The following NYAP2 variants were observed in gnomAD, a reference collection of about 807,000 sequenced individuals.
The protein encoded by NYAP2 is neuronal tyrosine-phosphorylated phosphoinositide-3-kinase adapter 2.
NYAP2 carries 23 observed loss-of-function variants against 50.4 expected under a neutral mutation model. The observed-to-expected ratio is 0.46, with a 90% CI of 0.33 to 0.65. The LOEUF is 0.65. NYAP2 is among the 30% of genes least tolerant of loss of function. The pLI, the probability that NYAP2 is intolerant of heterozygous loss-of-function variation, is 0.02. For synonymous variants in NYAP2, 394 were observed against 365.2 expected (o/e 1.08, Z -0.90); for missense variants, 885 against 861.0 (o/e 1.03, Z -0.35).
intron 5 of NYAP2, among the ~76,000 whole-genome samples, chr2:225,604,372 A>T (rs1692749317): frequency 6.6e-6 from 1 of 152,152 alleles, no homozygotes. Context: ...TCCTTAAATC[A>T]TGCGTTACAG....
chr2:225,631,649 G>T (rs1693317367), intron 6 of NYAP2, among the ~76,000 whole-genome samples: 1 of 152,024 alleles, frequency 6.6e-6, no homozygotes, highest in Non-Finnish European at 1.5e-5. Flanking sequence ...CTACTTTTCA[G>T]GAAAGAAAAG....
At chr2:225,682,483 T>G in the NYAP2 span, among the ~76,000 whole-genome samples, 1 of 152,338 alleles carries the variant, frequency 6.6e-6, no homozygotes, top group South Asian at 2.1e-4. Context: ...CATAGCCTCC[T>G]GCTTCTCCAT....
At chr2:225,601,481 C>A (rs1692690085) in intron 5 of NYAP2, among the ~76,000 whole-genome samples, 1 of 152,138 alleles carries the variant, frequency 6.6e-6, no homozygotes, top group Non-Finnish European at 1.5e-5. Context: ...TTTTCCATAG[C>A]AGCTGTTTAT....
chr2:225,548,118 A>G (rs1691615583), intron 4 of NYAP2, among the ~76,000 whole-genome samples: 2 of 151,964 alleles, frequency 1.3e-5, no homozygotes, highest in African/African-American at 4.8e-5. Context: ...TAAACATGTT[A>G]CTAGTAATTA....
chr2:225,664,591 G>A, the NYAP2 span, among the ~76,000 whole-genome samples: 2 of 152,092 alleles, frequency 1.3e-5, no homozygotes, highest in East Asian at 1.9e-4. Flanking sequence ...AAATGCGGCC[G>A]GGCACGGTGG....
At chr2:225,684,563 T>G in the NYAP2 span, among the ~76,000 whole-genome samples, 3 of 150,754 alleles carry the variant, frequency 2.0e-5, no homozygotes, top group African/African-American at 7.4e-5. Context: ...GTTTTTTTGT[T>G]TTTTTTTTGA....
At chr2:225,689,034 G>A in the NYAP2 span, among the ~76,000 whole-genome samples, 7 of 152,082 alleles carry the variant, frequency 4.6e-5, no homozygotes, top group South Asian at 2.1e-4. Flanking sequence ...GAGCCACTGC[G>A]CCCAGCTTGA....
At chr2:225,680,044 G>A in the NYAP2 span, among the ~76,000 whole-genome samples, 111 of 152,098 alleles carry the variant, frequency 7.3e-4, no homozygotes, top group Admixed American at 4.6e-3. Context: ...AGATAGCACC[G>A]GGTTTAACAT....
At chr2:225,597,525 A>ATG (rs1326408973) in intron 5 of NYAP2, among the ~76,000 whole-genome samples, 2 of 118,572 alleles carry the variant, frequency 1.7e-5, no homozygotes, top group African/African-American at 5.7e-5. Flanking sequence ...ATATATATAT[A>ATG]TATATGTATC....
At chr2:225,409,032 A>G in exon 3 of NYAP2, 1 of 1,612,404 alleles carries the variant, frequency 6.2e-7, no homozygotes, top group African/African-American at 1.3e-5. Flanking sequence ...CGCTTGAGAA[A>G]TGAAACTAAC....
At chr2:225,465,234 A>C (rs1476270627) in intron 3 of NYAP2, among the ~76,000 whole-genome samples, 1 of 152,046 alleles carries the variant, frequency 6.6e-6, no homozygotes, top group Non-Finnish European at 1.5e-5. Flanking sequence ...TCTTGACCTG[A>C]ATTCCAGGCC....
At chr2:225,491,939 C>T (rs1271965160) in intron 3 of NYAP2, among the ~76,000 whole-genome samples, 1 of 152,038 alleles carries the variant, frequency 6.6e-6, no homozygotes, top group East Asian at 1.9e-4. Context: ...AAACCTATAC[C>T]CTATCTGGCT....
chr2:225,588,801 G>A (rs1692436949), intron 5 of NYAP2, among the ~76,000 whole-genome samples: 1 of 152,098 alleles, frequency 6.6e-6, no homozygotes, highest in Admixed American at 6.5e-5. Flanking sequence ...ACCCGAACAG[G>A]GGAGGCCTCA....
intron 4 of NYAP2, among the ~76,000 whole-genome samples, chr2:225,540,668 T>C (rs1350393358): frequency 1.3e-5 from 2 of 152,220 alleles, no homozygotes; most frequent in Non-Finnish European, 2.9e-5. Flanking sequence ...GTACCATGTT[T>C]TCTTTATCCA....
chr2:225,655,923 CACACAT>C (rs1183943610), downstream of NYAP2, among the ~76,000 whole-genome samples: 2,105 of 109,882 alleles, frequency 0.019, 36 homozygotes, highest in East Asian at 0.17. Flanking sequence ...CACACACACA[CACACAT>C]ACACACATAC....
At chr2:225,638,334 T>C (rs374168050) in intron 6 of NYAP2, among the ~76,000 whole-genome samples, 1 of 151,696 alleles carries the variant, frequency 6.6e-6, no homozygotes, top group South Asian at 2.1e-4. Flanking sequence ...TTCAGAAAAG[T>C]TGATATTATT....
At chr2:225,561,819 A>T (rs1009037837) in intron 4 of NYAP2, among the ~76,000 whole-genome samples, 9 of 152,100 alleles carry the variant, frequency 5.9e-5, no homozygotes, top group Non-Finnish European at 1.3e-4. Flanking sequence ...TATTATATGT[A>T]TCATGTTATG....
chr2:225,534,095 C>G (rs764148635), intron 4 of NYAP2, among the ~76,000 whole-genome samples: 1 of 152,090 alleles, frequency 6.6e-6, no homozygotes, highest in Non-Finnish European at 1.5e-5. Context: ...ATAAGGATTT[C>G]TTGATTTGAT....
intron 3 of NYAP2, among the ~76,000 whole-genome samples, chr2:225,410,585 C>A (rs1390881278): frequency 6.6e-6 from 1 of 152,040 alleles, no homozygotes; most frequent in Admixed American, 6.6e-5. Context: ...AGTTTGTAAT[C>A]TTGGCATTAA....
Sources: allele counts gnomAD v4.1 joint callset (sites outside exome capture counted in the v4.1 genomes callset), GRCh38; gene constraint gnomAD v4.1.1; transcripts MANE v1.5; gene names NCBI Gene and HGNC (gene_info 2026-07-23, HGNC 2026-07-21).